Variants in NCALD observed in about 807,000 individuals in gnomAD.
The protein encoded by NCALD is neurocalcin-delta.
In NCALD, 10 loss-of-function variants were observed where a neutral mutation model predicts 18.6. That is an observed-to-expected ratio of 0.54 (90% CI 0.33 to 0.91). The LOEUF (loss-of-function observed/expected upper bound fraction) is 0.91, where lower values mean the gene tolerates loss of function less well. Among genes scored for constraint, NCALD ranks in the 40% least tolerant of loss-of-function variants. The pLI is 0.03. For synonymous variants in NCALD, 88 were observed against 87.4 expected (o/e 1.01, Z -0.04); for missense variants, 184 against 247.6 (o/e 0.74, Z 1.72).
intron 1 of NCALD, among the ~76,000 whole-genome samples, chr8:102,021,074 A>G (rs1231719108): frequency 2.0e-5 from 3 of 152,112 alleles, no homozygotes; most frequent in African/African-American, 4.8e-5. Flanking sequence ...CCCAAAGAAC[A>G]CTGCATTTTT....
At chr8:101,709,486 A>C (rs1310352433) in intron 2 of NCALD, among the ~76,000 whole-genome samples, 1 of 152,216 alleles carries the variant, frequency 6.6e-6, no homozygotes, top group East Asian at 1.9e-4. Flanking sequence ...TGTAGTTAAA[A>C]TTTGGCCTTT....
chr8:101,988,915 A>AAC (rs1354001021), intron 2 of NCALD, among the ~76,000 whole-genome samples: 1 of 151,462 alleles, frequency 6.6e-6, no homozygotes, highest in African/African-American at 2.4e-5. Context: ...AAAAAAAAAA[A>AAC]AAAAAAAAAC....
chr8:101,829,384 T>C (rs1156637507), intron 4 of NCALD, among the ~76,000 whole-genome samples: 1 of 152,240 alleles, frequency 6.6e-6, no homozygotes, highest in East Asian at 1.9e-4. Flanking sequence ...CATCTCATTA[T>C]ACAGTGTTAT....
At chr8:101,756,368 C>T (rs1810879966) in intron 1 of NCALD, among the ~76,000 whole-genome samples, 1 of 152,176 alleles carries the variant, frequency 6.6e-6, no homozygotes, top group African/African-American at 2.4e-5. Flanking sequence ...CTGGCTGGCA[C>T]ATTCTCTTGG....
chr8:101,935,898 C>T (rs1197894072), intron 2 of NCALD, among the ~76,000 whole-genome samples: 1 of 149,646 alleles, frequency 6.7e-6, no homozygotes, highest in Non-Finnish European at 1.5e-5. Context: ...CAGCCAATTG[C>T]AGAAGCCAAG....
chr8:101,787,680 T>C (rs1812283211), intron 1 of NCALD, among the ~76,000 whole-genome samples: 1 of 152,162 alleles, frequency 6.6e-6, no homozygotes, highest in Admixed American at 6.6e-5. Context: ...GTCTTAAATA[T>C]CCAATAAGCC....
At chr8:101,903,538 G>C (rs1433306738) in intron 3 of NCALD, among the ~76,000 whole-genome samples, 1 of 152,136 alleles carries the variant, frequency 6.6e-6, no homozygotes, top group Non-Finnish European at 1.5e-5. Context: ...TGGGGCGAGA[G>C]CGAGGGAGAG....
chr8:101,908,064 T>C (rs990337027), intron 3 of NCALD, among the ~76,000 whole-genome samples: 1 of 152,116 alleles, frequency 6.6e-6, no homozygotes, highest in Non-Finnish European at 1.5e-5. Flanking sequence ...ATCAATCTTG[T>C]AAACAGCAGG....
intron 4 of NCALD, among the ~76,000 whole-genome samples, chr8:101,811,307 C>A (rs1052084640): frequency 6.6e-6 from 1 of 152,016 alleles, no homozygotes; most frequent in Admixed American, 6.6e-5. Flanking sequence ...GGTCTTGGAC[C>A]ACTGCAGTTG....
At chr8:102,012,098 T>C (rs1374605400) in intron 2 of NCALD, among the ~76,000 whole-genome samples, 1 of 152,182 alleles carries the variant, frequency 6.6e-6, no homozygotes, top group East Asian at 1.9e-4. Context: ...CTGGGTACTT[T>C]GAGTCCACAC....
chr8:101,691,115 G>A, intron 3 of NCALD: 3 of 985,342 alleles, frequency 3.0e-6, no homozygotes, highest in Non-Finnish European at 3.6e-6. Flanking sequence ...TCGGCAGGGA[G>A]GGGTGCAGGT....
At chr8:101,944,949 T>C (rs1201429781) in intron 2 of NCALD, among the ~76,000 whole-genome samples, 2 of 152,230 alleles carry the variant, frequency 1.3e-5, no homozygotes, top group Non-Finnish European at 2.9e-5. Flanking sequence ...CCTGTAGCCT[T>C]TCCTTTTAGT....
chr8:101,864,047 T>A (rs568515488), intron 4 of NCALD, among the ~76,000 whole-genome samples: 1 of 152,222 alleles, frequency 6.6e-6, no homozygotes, highest in South Asian at 2.1e-4. Flanking sequence ...TAAACTACAT[T>A]AACCAACAAT....
chr8:101,811,339 G>A (rs868800075), intron 4 of NCALD, among the ~76,000 whole-genome samples: 6 of 152,294 alleles, frequency 3.9e-5, no homozygotes, highest in South Asian at 2.1e-4. Context: ...GGAGGAAGGG[G>A]CCATGAGCCA....
At chr8:102,083,698 A>AT (rs1563603330) in intron 1 of NCALD, among the ~76,000 whole-genome samples, 1 of 152,008 alleles carries the variant, frequency 6.6e-6, no homozygotes, top group Non-Finnish European at 1.5e-5. Context: ...TAATCCCCAC[A>AT]TTTTTACATT....
chr8:101,999,505 T>C (rs1821366732), intron 2 of NCALD, among the ~76,000 whole-genome samples: 2 of 152,054 alleles, frequency 1.3e-5, no homozygotes, highest in African/African-American at 2.4e-5. Context: ...ACAATGGACT[T>C]TGGGGACTCG....
At chr8:101,985,394 G>A (rs1308461278) in intron 2 of NCALD, among the ~76,000 whole-genome samples, 1 of 152,194 alleles carries the variant, frequency 6.6e-6, no homozygotes, top group Non-Finnish European at 1.5e-5. Flanking sequence ...AGTGATTGTT[G>A]TGTTAAGCCC....
chr8:101,697,587 C>T (rs551777192), intron 2 of NCALD, among the ~76,000 whole-genome samples: 1 of 152,234 alleles, frequency 6.6e-6, no homozygotes, highest in South Asian at 2.1e-4. Flanking sequence ...CATCAAAAAG[C>T]TTATCCACCA....
chr8:102,091,739 C>T (rs754480168), intron 1 of NCALD, among the ~76,000 whole-genome samples: 2 of 152,248 alleles, frequency 1.3e-5, no homozygotes, highest in South Asian at 2.1e-4. Context: ...CCAGATATCA[C>T]CTTTTGTTGA....
Sources: gnomAD v4.1 joint callset for allele counts (sites outside exome capture counted in the v4.1 genomes callset) on GRCh38, gnomAD v4.1.1 for gene constraint, MANE v1.5 for transcripts, NCBI Gene and HGNC (gene_info 2026-07-23, HGNC 2026-07-21) for gene names.